STK3: variants seen among roughly 807,000 people sequenced by gnomAD.
STK3 encodes the protein serine/threonine-protein kinase 3.
STK3 carries 41 observed loss-of-function variants against 58.0 expected under a neutral mutation model. That is an observed-to-expected ratio of 0.71 (90% CI 0.55 to 0.92). The LOEUF (loss-of-function observed/expected upper bound fraction) is 0.92. Among genes scored for constraint, STK3 ranks in the 40% least tolerant of loss-of-function variants. STK3 has a pLI of 0.00. For synonymous variants in STK3, 170 were observed against 191.0 expected (o/e 0.89, Z 0.91); for missense variants, 479 against 602.7 (o/e 0.79, Z 2.15).
intron 1 of STK3, among the ~76,000 whole-genome samples, chr8:98,921,905 G>C (rs1839579731): frequency 6.6e-6 from 1 of 152,174 alleles, no homozygotes; most frequent in East Asian, 1.9e-4. Context: ...TGTTGGCCAG[G>C]CTGGTCTTGA....
intron 3 of STK3, among the ~76,000 whole-genome samples, chr8:98,834,745 A>T (rs750105160): frequency 2.0e-5 from 3 of 152,214 alleles, no homozygotes; most frequent in Non-Finnish European, 4.4e-5. Context: ...TCACCTCCAG[A>T]TGCCATCACC....
At chr8:98,652,584 C>G (rs1821050980) in intron 6 of STK3, among the ~76,000 whole-genome samples, 1 of 145,558 alleles carries the variant, frequency 6.9e-6, no homozygotes, top group Non-Finnish European at 1.5e-5. Context: ...ATTCAGGAAA[C>G]CCATCTCACG....
rs1417166835 is a variant in STK3 at position 98,545,290 on chromosome 8, CT to C, written c.1141+2678del. Reference sequence around the variant, plus strand: ...CATGTAAATAATGGCTAGTGCCAGACTGTGAAGGATCTTGGTGACACAGCTG... The same window carrying C: ...CATGTAAATAATGGCTAGTGCCAGACGTGAAGGATCTTGGTGACACAGCTG... On this transcript the variant is annotated intron_variant, in intron 9 of 10. Coordinates refer to ENST00000419617, the MANE Select transcript of STK3 (RefSeq NM_006281.4). 2.4e-4 allele frequency among the ~76,000 whole-genome samples: 36 copies of C among 152,280 alleles called. 1 individual carries two copies. The highest frequency in any genetic ancestry group is 3.4e-3 in the Middle Eastern group (1 of 294).
Position 98,932,348 on chromosome 8 carries a change from A to G in STK3, c.-79+10030T>C, listed in dbSNP as rs1289935707. 1.3e-5 allele frequency among the ~76,000 whole-genome samples: 2 copies of G among 152,328 alleles called. 1 individual carries two copies. Among genetic ancestry groups the G allele is most frequent in the South Asian group, 4.1e-4 (2 of 4,828 alleles). On this transcript the variant is annotated intron_variant, in intron 1 of 1. Transcript: ENST00000519420. ...TGGATCAATAGTTCTCAAACAGCCA[A>G]TTTAAGGACCCATGAAGGCTAGTCA...
Position 98,615,051 on chromosome 8 carries a change from A to C in STK3, c.685-18882T>G, listed in dbSNP as rs558490157. 1.8e-3 allele frequency among the ~76,000 whole-genome samples: 268 copies of C among 152,182 alleles called. 2 individuals carry two copies. The highest frequency in any genetic ancestry group is 3.3e-3 in the Non-Finnish European group (225 of 67,992). ...AGACAGCAGTAACCTCTGCAGACTT[A>C]AATGTCCCTGTCTGACAGCTTTGAA... On this transcript the variant is annotated intron_variant, in intron 6 of 10. Coordinates refer to ENST00000419617, the MANE Select transcript of STK3 (RefSeq NM_006281.4).
In STK3 at chr8:98,941,664, G is replaced by C. The variant is rs187109780; in HGVS notation, c.-79+714C>G. On this transcript the variant is annotated intron_variant, in intron 1 of 1. Transcript: ENST00000519420. ...GCTTAGCTGGCAGAGCCTCCTGGGTGGGCCGGGGGGCAGGGGCCTGCGCTG... is the reference window on the plus strand; with the variant it reads ...GCTTAGCTGGCAGAGCCTCCTGGGTCGGCCGGGGGGCAGGGGCCTGCGCTG... 2.3e-4 allele frequency among the ~76,000 whole-genome samples: 35 copies of C among 152,356 alleles called. 1 individual carries two copies. Among genetic ancestry groups the C allele is most frequent in the Non-Finnish European group, 1.9e-4 (13 of 68,032 alleles).
intron 6 of STK3, among the ~76,000 whole-genome samples, chr8:98,692,868 G>C (rs1306187491): frequency 6.6e-6 from 1 of 151,724 alleles, no homozygotes; most frequent in Non-Finnish European, 1.5e-5. Context: ...CATATTATGG[G>C]GAGTGTAGTG....
intron 3 of STK3, among the ~76,000 whole-genome samples, chr8:98,877,482 TG>T (rs1564077882): frequency 2.0e-5 from 3 of 152,100 alleles, no homozygotes; most frequent in South Asian, 4.1e-4. Flanking sequence ...TTTTTTTGTT[TG>T]TTTTTTTGGT....
chr8:98,502,330 A>G (rs1823672869), intron 10 of STK3, among the ~76,000 whole-genome samples: 1 of 152,214 alleles, frequency 6.6e-6, no homozygotes, highest in South Asian at 2.1e-4. Flanking sequence ...TTTTCTAAAT[A>G]TACAATCATG....
intron 9 of STK3, among the ~76,000 whole-genome samples, chr8:98,531,505 T>C (rs1285792390): frequency 6.6e-6 from 1 of 152,186 alleles, no homozygotes; most frequent in Non-Finnish European, 1.5e-5. Context: ...ATTCCATTTA[T>C]AGAGCACAGG....
chr8:98,937,714 TAG>T (rs1840246134), intron 1 of STK3, among the ~76,000 whole-genome samples: 2 of 152,246 alleles, frequency 1.3e-5, no homozygotes, highest in African/African-American at 4.8e-5. Context: ...ACAGGATTTT[TAG>T]AGTTGGCTTG....
chr8:98,747,443 C>T (rs758566916), intron 4 of STK3, among the ~76,000 whole-genome samples: 3 of 152,048 alleles, frequency 2.0e-5, no homozygotes, highest in Admixed American at 6.6e-5. Context: ...TAATCAAAGA[C>T]GACTGTTAGA....
chr8:98,744,614 G>A (rs1829506295), intron 4 of STK3, among the ~76,000 whole-genome samples: 1 of 149,556 alleles, frequency 6.7e-6, no homozygotes, highest in African/African-American at 2.5e-5. Flanking sequence ...GATAGCATTA[G>A]GAGATATACC....
rs540775865 is a variant in STK3 at position 98,789,019 on chromosome 8, G to A, written c.27-14200C>T. Among the ~76,000 whole-genome samples the A allele has an allele frequency of 5.3e-5, 8 of 152,178 alleles. No homozygotes were observed. In the East Asian group the frequency reaches 1.5e-3, roughly 29 times the overall value. On this transcript the variant is annotated intron_variant, in intron 1 of 10. Coordinates refer to ENST00000419617, the MANE Select transcript of STK3 (RefSeq NM_006281.4). ...TAGACCATATGAGAGGCCACAAAACGAGCCTCAATAAATTTAAGAAAACTG... is the reference window on the plus strand; with the variant it reads ...TAGACCATATGAGAGGCCACAAAACAAGCCTCAATAAATTTAAGAAAACTG...
chr8:98,591,433 C>A (rs914895883), intron 7 of STK3, among the ~76,000 whole-genome samples: 1 of 152,130 alleles, frequency 6.6e-6, no homozygotes, highest in African/African-American at 2.4e-5. Flanking sequence ...ATATTTTAAA[C>A]CTTCATTGGG....
chr8:98,898,619 G>A (rs1408230359), intron 1 of STK3, among the ~76,000 whole-genome samples: 3 of 152,140 alleles, frequency 2.0e-5, no homozygotes, highest in Admixed American at 2.0e-4. Flanking sequence ...GAAATGTGCA[G>A]CATGAATGAA....
At position 98,479,500 on chromosome 8, in the gene STK3, G is replaced by C. The variant is rs1315013073; in HGVS notation, c.1318-23500C>G. On this transcript the variant is annotated intron_variant, in intron 10 of 10. Coordinates refer to ENST00000419617, the MANE Select transcript of STK3 (RefSeq NM_006281.4). ...ACACTCCGTCTCGGGGGGGGGGGGGGGGCGGGAAAGGTGAAGAAGCATATC... is the reference window on the plus strand; with the variant it reads ...ACACTCCGTCTCGGGGGGGGGGGGGCGGCGGGAAAGGTGAAGAAGCATATC... 1.1e-4 allele frequency among the ~76,000 whole-genome samples: 9 copies of C among 84,306 alleles called. No individual in the cohort carries two copies. The South Asian group carries it at 1.9e-3, about 17-fold the overall frequency. 55.3% of individuals were successfully genotyped at this position (84,306 alleles called of 152,430 possible). A position where few individuals can be genotyped will look rare whatever the true frequency, so the allele number is the denominator to read the frequency against.
At chr8:98,416,374 T>G (rs934295442) in intron 3 of STK3, among the ~76,000 whole-genome samples, 4 of 150,002 alleles carry the variant, frequency 2.7e-5, no homozygotes, top group African/African-American at 9.8e-5. Context: ...GTTTTTTTTT[T>G]TTTTTTTTTT....
chr8:98,468,607 A>G (rs1300129872), intron 10 of STK3, among the ~76,000 whole-genome samples: 7 of 152,246 alleles, frequency 4.6e-5, no homozygotes, highest in Non-Finnish European at 1.0e-4. Flanking sequence ...CACAAATGCT[A>G]TGAATTTAAG....
Sources: allele counts gnomAD v4.1 joint callset (sites outside exome capture counted in the v4.1 genomes callset), GRCh38; gene constraint gnomAD v4.1.1; transcripts MANE v1.5; gene names NCBI Gene and HGNC (gene_info 2026-07-23, HGNC 2026-07-21).